Variants in ADAMTS20 observed in about 807,000 individuals in gnomAD.
The protein encoded by ADAMTS20 is ADAM metallopeptidase with thrombospondin type 1 motif 20.
Under a neutral mutation model 260.1 loss-of-function variants are expected in ADAMTS20, and 225 were observed. The observed-to-expected ratio is 0.87, with a 90% CI of 0.78 to 0.97. The LOEUF is 0.97. ADAMTS20 is among the 50% of genes least tolerant of loss of function. The pLI, the probability that ADAMTS20 is intolerant of heterozygous loss-of-function variation, is 0.00. For missense variants in ADAMTS20, 2,400 were observed against 2,337.7 expected (o/e 1.03, Z -0.55); for synonymous variants, 802 against 769.5 (o/e 1.04, Z -0.70).
At chr12:43,472,888 A>T (rs1356579733) in intron 7 of ADAMTS20, among the ~76,000 whole-genome samples, 5 of 147,382 alleles carry the variant, frequency 3.4e-5, no homozygotes, top group Non-Finnish European at 7.5e-5. Context: ...AATCATGCCA[A>T]AATGTAAAGA....
At chr12:43,353,062 C>G (rs1198840968), downstream of ADAMTS20, among the ~76,000 whole-genome samples, 2 of 151,908 alleles carry the variant, frequency 1.3e-5, no homozygotes, top group Non-Finnish European at 2.9e-5. Flanking sequence ...TTAGTAGATT[C>G]CATTTGGTTT....
intron 17 of ADAMTS20, 29 bp from the exon 18 acceptor site, chr12:43,439,780 T>C (rs1941626272): frequency 1.3e-6 from 2 of 1,583,320 alleles, no homozygotes; most frequent in Non-Finnish European, 1.7e-6. Flanking sequence ...GAACATACAA[T>C]TAATACATAA....
chr12:43,432,669 G>T lies in ADAMTS20; in HGVS notation c.2863C>A (p.Pro955Thr), dbSNP rs774172851. The T allele has an allele frequency of 3.1e-6, 5 of 1,613,898 alleles. No homozygotes were observed. The highest frequency in any genetic ancestry group is 8.5e-7 in the Non-Finnish European group (1 of 1,179,854). Residue 955 changes from proline to threonine, a missense_variant, in exon 20 of 39, where the codon CCT (proline) becomes ACT (threonine). By Grantham distance (38) the Pro-to-Thr change is conservative. Coordinates refer to ENST00000389420, the MANE Select transcript of ADAMTS20 (RefSeq NM_025003.5). Reference protein sequence around the residue: ...DDHYCGDQLKPPTQELCHGNC... With the variant: ...DDHYCGDQLKTPTQELCHGNC... ...CCATGGCATAGTTCTTGGGTAGGAG[G>T]TTTAAGCTGGTCACCACAGTAGTGG...
intron 28 of ADAMTS20, chr12:43,423,964 C>T: frequency 1.4e-6 from 1 of 690,182 alleles, no homozygotes; most frequent in Non-Finnish European, 2.6e-6. Flanking sequence ...TATCATCAGT[C>T]ACACTTTGAC....
intron 28 of ADAMTS20, among the ~76,000 whole-genome samples, chr12:43,420,589 G>A (rs932631789): frequency 6.6e-6 from 1 of 151,760 alleles, no homozygotes; most frequent in Admixed American, 6.6e-5. Context: ...ACATTGCCTG[G>A]CTCCTGCTGG....
intron 28 of ADAMTS20, among the ~76,000 whole-genome samples, chr12:43,408,476 A>C (rs533032939): frequency 1.3e-5 from 2 of 152,336 alleles, no homozygotes; most frequent in East Asian, 3.9e-4. Flanking sequence ...CAAATGTTTT[A>C]TGTGCTAGCT....
chr12:43,471,263 T>C (rs1258768455), intron 7 of ADAMTS20, among the ~76,000 whole-genome samples: 1 of 152,004 alleles, frequency 6.6e-6, no homozygotes, highest in Non-Finnish European at 1.5e-5. Context: ...CACCCGAATA[T>C]TGCGCTTTTC....
At chr12:43,511,223 G>A (rs552276208) in intron 3 of ADAMTS20, among the ~76,000 whole-genome samples, 2 of 152,038 alleles carry the variant, frequency 1.3e-5, no homozygotes, top group African/African-American at 2.4e-5. Context: ...AAATGTTCCC[G>A]CTGTCTTCAA....
chr12:43,543,805 C>T (rs535763164), intron 2 of ADAMTS20, among the ~76,000 whole-genome samples: 3 of 152,138 alleles, frequency 2.0e-5, no homozygotes, highest in East Asian at 1.9e-4. Context: ...TAGGTAGAAC[C>T]AGGCAACTAG....
chr12:43,529,764 T>C (rs937247769), intron 3 of ADAMTS20, among the ~76,000 whole-genome samples: 6 of 152,124 alleles, frequency 3.9e-5, no homozygotes, highest in African/African-American at 1.4e-4. Context: ...ATATAATTCA[T>C]CTATGTAACC....
chr12:43,500,600 A>G (rs1032517938), intron 4 of ADAMTS20, among the ~76,000 whole-genome samples: 2 of 152,232 alleles, frequency 1.3e-5, no homozygotes, highest in African/African-American at 2.4e-5. Flanking sequence ...TTGTCATTTT[A>G]AAAAATTCAA....
intron 7 of ADAMTS20, among the ~76,000 whole-genome samples, chr12:43,490,017 C>A (rs971653882): frequency 1.3e-5 from 2 of 151,948 alleles, no homozygotes; most frequent in African/African-American, 4.8e-5. Flanking sequence ...CTATTGGCTA[C>A]CTCATGGGGA....
At chr12:43,363,221 C>T (rs190971793) in intron 37 of ADAMTS20, among the ~76,000 whole-genome samples, 3 of 152,166 alleles carry the variant, frequency 2.0e-5, no homozygotes. Context: ...CCCCCTAGCT[C>T]CCTGTTAAGG....
At chr12:43,548,280 T>C (rs986227141) in intron 2 of ADAMTS20, among the ~76,000 whole-genome samples, 1 of 152,200 alleles carries the variant, frequency 6.6e-6, no homozygotes, top group African/African-American at 2.4e-5. Flanking sequence ...TAATGTTTAA[T>C]GGACTGAGAG....
rs764989046 is a variant in ADAMTS20, at chr12:43,369,310, T to C, written c.5518A>G (p.Ser1840Gly). Residue 1840 changes from serine to glycine, a missense_variant, in exon 37 of 39, where the codon AGT becomes GGT. Ser to Gly is a moderately conservative substitution (Grantham distance 56). Transcript: ENST00000389420. Reference sequence around the variant, plus strand: ...AATACCTGTGGGCATCTGAAAGCACTGTAGCAATCTCCAGCTGTGGCAAAT... The same window carrying C: ...AATACCTGTGGGCATCTGAAAGCACCGTAGCAATCTCCAGCTGTGGCAAAT... ...VPFATAGDCY[S>G]AFRCPQGQFS... The C allele has an allele frequency of 1.1e-5, 17 of 1,551,134 alleles. No homozygotes were observed. The highest frequency in any genetic ancestry group is 1.5e-5 in the Non-Finnish European group (17 of 1,150,036).
chr12:43,468,650 T>C lies in ADAMTS20; in HGVS notation c.1173A>G (p.Glu391=). ...CDPLQSCFIN[E]EKGLISAFTI... ...TAAAAGCAGAAATGAGTCCTTTTTC[T>C]TCATTAATAAAGCAGCTTTGTAAAG... The change falls in exon 8 of 39, where the codon GAA becomes GAG. Residue 391 remains glutamate, a synonymous_variant. Transcript: ENST00000389420. 6.2e-7 allele frequency: 1 copy of C among 1,611,632 alleles called. No homozygotes were observed. The highest frequency in any genetic ancestry group is 8.5e-7 in the Non-Finnish European group (1 of 1,178,842).
At chr12:43,388,551 C>T (rs1329712861) in intron 29 of ADAMTS20, among the ~76,000 whole-genome samples, 1 of 152,182 alleles carries the variant, frequency 6.6e-6, no homozygotes, top group Non-Finnish European at 1.5e-5. Flanking sequence ...AAACTGTAAA[C>T]TTAGACAACT....
chr12:43,507,400 G>A lies in ADAMTS20; in HGVS notation c.614-4995C>T, dbSNP rs949179183. The stretch of plus-strand genomic sequence containing the variant: ...TGATTTGCAATGTGGGACTACAAGC[G>A]GCCCTCATCTAAGAAGAGAAAAGCC... On this transcript the variant is annotated intron_variant, in intron 3 of 38. Coordinates refer to ENST00000389420, the MANE Select transcript of ADAMTS20 (RefSeq NM_025003.5). Among the ~76,000 whole-genome samples, 7 of 152,068 alleles carry A rather than the reference G, an allele frequency of 4.6e-5. No homozygotes were observed. The South Asian group carries it at 8.3e-4, about 18-fold the overall frequency.
chr12:43,514,010 T>C (rs1244925626), intron 3 of ADAMTS20, among the ~76,000 whole-genome samples: 2 of 146,964 alleles, frequency 1.4e-5, no homozygotes, highest in Admixed American at 1.4e-4. Context: ...TGTATACATA[T>C]GTAACTAACC....
Sources: gnomAD v4.1 joint callset for allele counts (sites outside exome capture counted in the v4.1 genomes callset) on GRCh38, gnomAD v4.1.1 for gene constraint, MANE v1.5 for transcripts, NCBI Gene and HGNC (gene_info 2026-07-23, HGNC 2026-07-21) for gene names.